RGS14: variants seen among roughly 807,000 people sequenced by gnomAD.
RGS14 encodes regulator of G protein signaling 14, also known as regulator of G-protein signaling 14.
A neutral mutation model predicts 63.8 loss-of-function variants in RGS14; 33 were observed. The ratio of observed to expected loss-of-function variants is 0.52; its 90% CI spans 0.39 to 0.69. The LOEUF is 0.69. Ranked by LOEUF, RGS14 falls within the 30% of genes least tolerant of loss-of-function variation. The probability of loss-of-function intolerance (pLI) is 0.00; values close to 1 mark genes in which losing one functional copy is unlikely to be tolerated. For missense variants in RGS14, 739 were observed against 742.9 expected, an observed-to-expected ratio of 0.99 and a Z score of 0.06; for synonymous variants, 296 against 320.9, an observed-to-expected ratio of 0.92 and a Z score of 0.83.
At chr5:177,362,576 G>C (rs1761991098) in intron 1 of RGS14, among the ~76,000 whole-genome samples, 1 of 152,236 alleles carries the variant, frequency 6.6e-6, no homozygotes, top group South Asian at 2.1e-4. Flanking sequence ...AATTCCAAGC[G>C]AAGAGCAGGA....
Position 177,370,640 on chromosome 5 carries a change from G to A in RGS14, c.1103G>A (p.Arg368Gln), listed in dbSNP as rs1762217258. 3.1e-6 allele frequency: 5 copies of A among 1,614,054 alleles called. No homozygotes were observed. The African/African-American group carries it at 4.0e-5, about 13-fold the overall frequency. ...ACCGTGCTGGCGGATCAGGAAGTGC[G>A]GCTGGAAAACAGGATCACCTTCGAG... ...DCTVLADQEVRLENRITFELE... is the reference protein window; with the variant it reads ...DCTVLADQEVQLENRITFELE... Residue 368 changes from arginine to glutamine, a missense_variant, in exon 10 of 15, where the codon CGG becomes CAG. By Grantham distance (43) the Arg-to-Gln change is conservative (BLOSUM62 1). Transcript: ENST00000408923.
At chr5:177,367,149 G>A in intron 5 of RGS14, 115 bp downstream of exon 5, 1 of 1,381,138 alleles carries the variant, frequency 7.2e-7, no homozygotes, top group Non-Finnish European at 9.8e-7. Context: ...TGGAGGCGGA[G>A]ACAGAGCCAA....
Position 177,372,585 on chromosome 5 carries a change from T to C in RGS14, c.*510T>C, listed in dbSNP as rs1035680343. The C allele has an allele frequency of 4.6e-5, 7 of 152,516 alleles. No homozygotes were observed. The highest frequency in any genetic ancestry group is 1.7e-4 in the African/African-American group (7 of 41,412). 9.4% of individuals were successfully genotyped at this position (152,516 alleles called of 1,614,324 possible). ...TATGATACTGTTATTATAATAATTA[T>C]TATTATTCTGCCATGAGTTGTCTTC... On this transcript the variant is annotated 3_prime_UTR_variant, in exon 15 of 15. Coordinates refer to ENST00000408923, the MANE Select transcript of RGS14 (RefSeq NM_006480.5).
intron 5 of RGS14, 54 bp downstream of exon 5, chr5:177,367,088 G>C: frequency 6.4e-7 from 1 of 1,559,056 alleles, no homozygotes; most frequent in South Asian, 1.2e-5. Context: ...GAGCAGGGGC[G>C]GGGTCGGACC....
At chr5:177,363,312 G>A (rs1762014450) in intron 1 of RGS14, among the ~76,000 whole-genome samples, 1 of 152,086 alleles carries the variant, frequency 6.6e-6, no homozygotes, top group Non-Finnish European at 1.5e-5. Flanking sequence ...GGGCCAGGAG[G>A]GGCGGGGCCG....
chr5:177,361,420 A>G (rs1761963319), intron 1 of RGS14, among the ~76,000 whole-genome samples: 1 of 152,170 alleles, frequency 6.6e-6, no homozygotes, highest in African/African-American at 2.4e-5. Context: ...TGAGCAGGTC[A>G]TGCCAGATTA....
At chr5:177,367,347 C>G in intron 5 of RGS14, 67 bp from the exon 6 acceptor site, 1 of 1,514,344 alleles carries the variant, frequency 6.6e-7, no homozygotes, top group Non-Finnish European at 8.9e-7. Flanking sequence ...AAGGACCCGG[C>G]CTGGGTGCAG....
At position 177,366,690 on chromosome 5, in the gene RGS14, C is replaced by T. The variant is rs2127331487; in HGVS notation, c.247-18C>T. Reference sequence around the variant, plus strand: ...TGTCTCTGAGTCTCTGCCTGCCTCCCCCTCCTTCCCCTCCCAGGAGTTCCT... The same window carrying T: ...TGTCTCTGAGTCTCTGCCTGCCTCCTCCTCCTTCCCCTCCCAGGAGTTCCT... On this transcript the variant is annotated intron_variant, in intron 3 of 14. Transcript: ENST00000408923. 6.2e-7 allele frequency: 1 copy of T among 1,612,044 alleles called. No homozygotes were observed. Among genetic ancestry groups the T allele is most frequent in the Non-Finnish European group, 8.5e-7 (1 of 1,178,108 alleles).
chr5:177,360,566 TAAAAAAAAAAAA>T (rs750301708), intron 1 of RGS14, among the ~76,000 whole-genome samples: 1 of 64,828 alleles, frequency 1.5e-5, no homozygotes, highest in Non-Finnish European at 2.9e-5. Context: ...GATCCTATAT[TAAAAAAAAAAAA>T]AAAAAAAAAA....
Position 177,365,990 on chromosome 5 carries a change from T to G in RGS14, c.67+6T>G. 1 of 1,613,828 alleles carries G rather than the reference T, an allele frequency of 6.2e-7. No homozygotes were observed. The highest frequency in any genetic ancestry group is 8.5e-7 in the Non-Finnish European group (1 of 1,179,746). On this transcript the variant is annotated splice_donor_region_variant and intron_variant, in intron 2 of 14. Coordinates refer to ENST00000408923, the MANE Select transcript of RGS14 (RefSeq NM_006480.5). ...TCTGGCTGTGTCAGATGGAGGTAAG[T>G]GACAGAATGTGTGGAGAACTGGCTG...
chr5:177,367,320 G>A (rs1762123427), intron 5 of RGS14, 94 bp from the exon 6 acceptor site: 3 of 1,449,830 alleles, frequency 2.1e-6, no homozygotes, highest in Non-Finnish European at 2.8e-6. Context: ...CCCTAGGTTT[G>A]GGGCGGGGCC....
Position 177,366,208 on chromosome 5 carries a change from GGGCGAGGGCCGC to G in RGS14, c.103_114del (p.Glu35_Gly38del). Reference sequence around the variant, plus strand: ...GCAGCACGACGGGGCCCCAGGGCCAGGGCGAGGGCCGCGGCAGCTCTCTCAGCATCCACAGCC... The same window carrying G: ...GCAGCACGACGGGGCCCCAGGGCCAGGGCAGCTCTCTCAGCATCCACAGCC... On this transcript the variant is annotated inframe_deletion, in exon 3 of 15. Coordinates refer to ENST00000408923, the MANE Select transcript of RGS14 (RefSeq NM_006480.5). 6.2e-7 allele frequency: 1 copy of G among 1,608,950 alleles called. No homozygotes were observed. Among genetic ancestry groups the G allele is most frequent in the Non-Finnish European group, 8.5e-7 (1 of 1,178,658 alleles).
intron 1 of RGS14, among the ~76,000 whole-genome samples, chr5:177,362,946 G>A (rs2127327400): frequency 6.6e-6 from 1 of 152,332 alleles, no homozygotes; most frequent in Non-Finnish European, 1.5e-5. Flanking sequence ...CCTGACTCGG[G>A]GTTAGAGGGC....
chr5:177,372,224 A>C lies in RGS14; in HGVS notation c.*149A>C. ...GCAGGAAGAGCCGGTAGGGGTGGAA[A>C]GGGGACTCAGATGAGACACACCCCA... On this transcript the variant is annotated 3_prime_UTR_variant, in exon 15 of 15. Coordinates refer to ENST00000408923, the MANE Select transcript of RGS14 (RefSeq NM_006480.5). 1 of 753,096 alleles carries C rather than the reference A, an allele frequency of 1.3e-6. No individual in the cohort carries two copies. Among genetic ancestry groups the C allele is most frequent in the Non-Finnish European group, 2.2e-6 (1 of 462,596 alleles). 46.7% of individuals were successfully genotyped at this position (753,096 alleles called of 1,614,324 possible). A position where few individuals can be genotyped will look rare whatever the true frequency, so the allele number is the denominator to read the frequency against.
Position 177,368,841 on chromosome 5 carries a change from G to A in RGS14, c.974G>A (p.Arg325Gln), listed in dbSNP as rs777365111. The A allele has an allele frequency of 1.6e-5, 26 of 1,614,110 alleles. No individual in the cohort carries two copies. In the South Asian group the frequency reaches 1.6e-4, roughly 10 times the overall value. The change falls in exon 9 of 15, where the codon CGA becomes CAA. Residue 325 changes from arginine to glutamine, a missense_variant. Arg to Gln is a conservative substitution (Grantham distance 43, BLOSUM62 1). Coordinates refer to ENST00000408923, the MANE Select transcript of RGS14 (RefSeq NM_006480.5). ...LALARPGLTI[R>Q]DMLAGICEKR... The stretch of plus-strand genomic sequence containing the variant: ...CTGGCCAGACCTGGCCTCACCATCC[G>A]AGACATGCTGGCAGGGATCTGTGAG...
At chr5:177,367,214 G>A (rs1038898701) in intron 5 of RGS14, 180 bp downstream of exon 5, 18 of 1,087,592 alleles carry the variant, frequency 1.7e-5, no homozygotes, top group Non-Finnish European at 2.2e-5. Context: ...CACGGGGAAG[G>A]ACAGTTAGAG....
Position 177,371,747 on chromosome 5 carries a change from AG to A in RGS14, c.1499-121del. 2 of 947,216 alleles carry A rather than the reference AG, an allele frequency of 2.1e-6. No homozygotes were observed. Among genetic ancestry groups the A allele is most frequent in the Non-Finnish European group, 3.0e-6 (2 of 670,886 alleles). The allele number at this position is 947,216 out of a possible 1,614,324, so 58.7% of individuals were successfully genotyped here. A position where few individuals can be genotyped will look rare whatever the true frequency, so the allele number is the denominator to read the frequency against. ...GTTGGGGGGTCAAAGGGGCTGGAAC[AG>A]GGGGCCGCAGGCCATTGGTGCTGGG... On this transcript the variant is annotated intron_variant, in intron 14 of 14. Transcript: ENST00000408923. The surrounding 1 kb of genome is among the most constrained non-coding windows in gnomAD (Gnocchi z 6.1).
In RGS14 at chr5:177,358,023, G is replaced by T; in HGVS notation, c.-2G>T. 1 of 1,358,974 alleles carries T rather than the reference G, an allele frequency of 7.4e-7. No individual in the cohort carries two copies. 84.2% of individuals were successfully genotyped at this position (1,358,974 alleles called of 1,614,324 possible). A position where few individuals can be genotyped will look rare whatever the true frequency, so the allele number is the denominator to read the frequency against. On this transcript the variant is annotated 5_prime_UTR_variant, in exon 1 of 15. Transcript: ENST00000408923. The surrounding 1 kb of genome is among the most constrained non-coding windows in gnomAD (Gnocchi z 4.8). ...CGGCGGGGACCCCTGATCGGCAGCG[G>T]CATGCCAGGGAAGCCCAAGCACCTG... is the stretch of plus-strand genomic sequence containing the variant.
In RGS14 at chr5:177,365,969, G is replaced by A; in HGVS notation, c.52G>A (p.Ala18Thr). Residue 18 changes from alanine (A) to threonine (T), a missense_variant, in exon 2 of 15, where the codon GCT becomes ACT. Physicochemically the swap from Ala to Thr is moderately conservative, Grantham distance 58 (BLOSUM62 0). Transcript: ENST00000408923. ...TCTGTTGGGTCTCTTATAGGTTCTG[G>A]CTGTGTCAGATGGAGGTAAGTGACA... ...LGVPNGRMVL[A>T]VSDGELSSTT... 1 of 1,614,158 alleles carries A rather than the reference G, an allele frequency of 6.2e-7. No homozygotes were observed. Among genetic ancestry groups the A allele is most frequent in the Non-Finnish European group, 8.5e-7 (1 of 1,179,962 alleles).
Sources: gnomAD v4.1 joint callset for allele counts (sites outside exome capture counted in the v4.1 genomes callset) on GRCh38, gnomAD v4.1.1 for gene constraint, Gnocchi (gnomAD v3.1) non-coding constraint, MANE v1.5 for transcripts, NCBI Gene and HGNC (gene_info 2026-07-23, HGNC 2026-07-21) for gene names.